The following GXYLT2 variants were observed in gnomAD, a reference collection of about 807,000 sequenced individuals.
GXYLT2 encodes the protein glycosyltransferase 8 domain containing 4.
GXYLT2 carries 53 observed loss-of-function variants against 45.8 expected under a neutral mutation model. That is an observed-to-expected ratio of 1.16 (90% confidence interval 0.93 to 1.46). The LOEUF is 1.46. GXYLT2 is among the 40% of genes most tolerant of loss of function. The probability of loss-of-function intolerance (pLI) is 0.00; values close to 1 mark genes in which losing one functional copy is unlikely to be tolerated. For missense variants in GXYLT2, 551 were observed against 544.4 expected, an observed-to-expected ratio of 1.01 and a Z score of -0.12; for synonymous variants, 219 against 214.2, an observed-to-expected ratio of 1.02 and a Z score of -0.19.
At chr3:72,914,031 G>A (rs1432174669) in intron 2 of GXYLT2, among the ~76,000 whole-genome samples, 2 of 152,182 alleles carry the variant, frequency 1.3e-5, no homozygotes, top group African/African-American at 2.4e-5. Context: ...TGCTGAAGGG[G>A]TGGGCTCTGT....
rs772409702 is a variant in GXYLT2, at chr3:72,967,566, C to T, written c.996C>T (p.Pro332=). The T allele has an allele frequency of 1.9e-6, 3 of 1,613,732 alleles. No individual in the cohort carries two copies. The Admixed American group carries it at 5.0e-5, about 27-fold the overall frequency. The change falls in exon 6 of 7, where the codon CCC becomes CCT. Residue 332 remains proline (P), a synonymous_variant. Coordinates refer to ENST00000389617, the MANE Select transcript of GXYLT2 (RefSeq NM_001080393.2). ...YFNPECLYVF[P]CQWNYRPDHC... ...CACCAGAGTGTCTCTATGTATTCCC[C>T]TGCCAGTGGAACTACCGTCCCGATC...
At chr3:72,937,590 G>A (rs1406381064) in intron 3 of GXYLT2, among the ~76,000 whole-genome samples, 1 of 152,098 alleles carries the variant, frequency 6.6e-6, no homozygotes, top group African/African-American at 2.4e-5. Context: ...TTTTCCTGGG[G>A]TAAATCTTGG....
At chr3:72,890,512 A>G (rs944853152) in intron 1 of GXYLT2, among the ~76,000 whole-genome samples, 1 of 152,274 alleles carries the variant, frequency 6.6e-6, no homozygotes, top group East Asian at 1.9e-4. Context: ...AACCTGGTAG[A>G]GAAGGATAAA....
chr3:72,975,002 A>G lies in GXYLT2; in HGVS notation c.1175A>G (p.Gln392Arg). 6.3e-7 allele frequency: 1 copy of G among 1,587,908 alleles called. No individual in the cohort carries two copies. Among genetic ancestry groups the G allele is most frequent in the African/African-American group, 1.4e-5 (1 of 73,964 alleles). Residue 392 changes from glutamine to arginine, a missense_variant, in exon 7 of 7, where the codon CAA (glutamine) becomes CGA (arginine). Coordinates refer to ENST00000389617, the MANE Select transcript of GXYLT2 (RefSeq NM_001080393.2). ...TTTCCCTTTCAAGACAATCTCTTTC[A>G]ATCCATGTATTACCCCCTTCAGCTG... is the stretch of plus-strand genomic sequence containing the variant. ...RDFPFQDNLF[Q>R]SMYYPLQLKF...
rs181191336 is a variant in GXYLT2 at position 72,951,558 on chromosome 3, A to T, written c.601-3540A>T. 3.6e-3 allele frequency among the ~76,000 whole-genome samples: 553 copies of T among 152,312 alleles called. 2 individuals carry two copies. The highest frequency in any genetic ancestry group is 5.6e-3 in the Non-Finnish European group (378 of 68,032). ...TAAACTGAGGAACTTGTCTGAAGTC[A>T]CGAGGGTATTACCTCAGGCTGCCAA... On this transcript the variant is annotated intron_variant, in intron 3 of 6. Coordinates refer to ENST00000389617, the MANE Select transcript of GXYLT2 (RefSeq NM_001080393.2).
At position 72,976,722 on chromosome 3, in the gene GXYLT2, TC is replaced by T. The variant is rs1406145397; in HGVS notation, c.*1564del. On this transcript the variant is annotated 3_prime_UTR_variant, in exon 7 of 7. Coordinates refer to ENST00000389617, the MANE Select transcript of GXYLT2 (RefSeq NM_001080393.2). ...TCTCAAATGACTATTGCATAGATGA[TC>T]TTGATATTTGCAACAGCCTAGTGGA... 2.0e-5 allele frequency: 3 copies of T among 152,198 alleles called. No homozygotes were observed. The highest frequency in any genetic ancestry group is 4.4e-5 in the Non-Finnish European group (3 of 68,028). The allele number at this position is 152,198 out of a possible 1,614,324, so 9.4% of individuals were successfully genotyped here.
At chr3:72,900,514 A>C (rs1263470385) in intron 1 of GXYLT2, among the ~76,000 whole-genome samples, 1 of 152,036 alleles carries the variant, frequency 6.6e-6, no homozygotes, top group African/African-American at 2.4e-5. Context: ...TCCCCAGTTC[A>C]AGCGATTCTC....
chr3:72,894,376 C>T (rs1311189454), intron 1 of GXYLT2, among the ~76,000 whole-genome samples: 2 of 152,136 alleles, frequency 1.3e-5, no homozygotes, highest in African/African-American at 4.8e-5. Flanking sequence ...GGTGGGGGCA[C>T]CCAGGAAGTG....
At chr3:72,957,425 C>T (rs1300884551) in intron 5 of GXYLT2, 73 bp downstream of exon 5, 57 of 1,451,036 alleles carry the variant, frequency 3.9e-5, no homozygotes, top group Admixed American at 6.2e-5. Context: ...ATTCCATGCC[C>T]GGGTTGCTAT....
At chr3:72,952,777 C>T (rs4571176) in intron 3 of GXYLT2, among the ~76,000 whole-genome samples, 12,227 of 152,004 alleles carry the variant, frequency 0.08, 539 homozygotes, top group Admixed American at 0.099. Flanking sequence ...ATCTTGAGAG[C>T]CCTATCCTTC....
At chr3:72,899,695 A>G (rs925839817) in intron 1 of GXYLT2, among the ~76,000 whole-genome samples, 3 of 152,154 alleles carry the variant, frequency 2.0e-5, no homozygotes, top group African/African-American at 7.2e-5. Flanking sequence ...TCTAGGGGCC[A>G]TATCAAGGTG....
chr3:72,957,015 C>A (rs1710663088), intron 4 of GXYLT2, among the ~76,000 whole-genome samples: 2 of 146,996 alleles, frequency 1.4e-5, no homozygotes, highest in Non-Finnish European at 3.0e-5. Context: ...ACTTTCAGTC[C>A]CTGGTCTATC....
chr3:72,966,772 C>T (rs771214176), intron 5 of GXYLT2, among the ~76,000 whole-genome samples: 7 of 151,918 alleles, frequency 4.6e-5, no homozygotes, highest in Non-Finnish European at 8.8e-5. Context: ...ATTACAGGTG[C>T]GTGCCACCAT....
intron 5 of GXYLT2, among the ~76,000 whole-genome samples, chr3:72,959,526 G>A (rs1370090688): frequency 2.0e-5 from 3 of 152,166 alleles, no homozygotes; most frequent in Non-Finnish European, 2.9e-5. Flanking sequence ...CTCCCAAAGT[G>A]CTGGGATTTC....
At chr3:72,965,894 A>C (rs909234666) in intron 5 of GXYLT2, among the ~76,000 whole-genome samples, 2 of 152,170 alleles carry the variant, frequency 1.3e-5, no homozygotes, top group African/African-American at 4.8e-5. Context: ...GCCATGGTGC[A>C]TATAGTTACC....
chr3:72,944,212 C>G (rs1245022413), intron 3 of GXYLT2, among the ~76,000 whole-genome samples: 1 of 151,354 alleles, frequency 6.6e-6, no homozygotes, highest in Non-Finnish European at 1.5e-5. Flanking sequence ...CTCAGCCTCC[C>G]AAGTAGCTAG....
At chr3:72,920,289 C>T (rs182923261) in intron 2 of GXYLT2, among the ~76,000 whole-genome samples, 5 of 152,126 alleles carry the variant, frequency 3.3e-5, no homozygotes, top group African/African-American at 7.2e-5. Context: ...CGTGCCTCAC[C>T]GCTCCTGGCT....
At chr3:72,956,433 G>T (rs1285705982) in intron 4 of GXYLT2, among the ~76,000 whole-genome samples, 1 of 152,102 alleles carries the variant, frequency 6.6e-6, no homozygotes, top group African/African-American at 2.4e-5. Context: ...TATTTTAAAA[G>T]TAAATCATTG....
At chr3:72,892,238 G>C (rs1709197093) in intron 1 of GXYLT2, among the ~76,000 whole-genome samples, 1 of 152,186 alleles carries the variant, frequency 6.6e-6, no homozygotes, top group South Asian at 2.1e-4. Flanking sequence ...AATGGTTATT[G>C]CATGGCCCTT....
Sources: allele counts gnomAD v4.1 joint callset (sites outside exome capture counted in the v4.1 genomes callset), GRCh38; gene constraint gnomAD v4.1.1; transcripts MANE v1.5; gene names NCBI Gene and HGNC (gene_info 2026-07-23, HGNC 2026-07-21).